The following UBE2K variants were observed in gnomAD, a reference collection of about 807,000 sequenced individuals.
The protein encoded by UBE2K is ubiquitin-conjugating enzyme E2 K.
Under a neutral mutation model 30.0 loss-of-function variants are expected in UBE2K, and 6 were observed. That is an observed-to-expected ratio of 0.20 (90% CI 0.11 to 0.39). The LOEUF is 0.39. Among genes scored for constraint, UBE2K ranks in the 10% least tolerant of loss-of-function variants. The pLI, the probability that UBE2K is intolerant of heterozygous loss-of-function variation, is 1.00. For missense variants in UBE2K, 61 were observed against 241.6 expected (o/e 0.25, Z 4.96); for synonymous variants, 86 against 83.7 (o/e 1.03, Z -0.15).
intron 1 of UBE2K, among the ~76,000 whole-genome samples, chr4:39,698,978 T>C (rs1177360263): frequency 3.9e-5 from 6 of 152,198 alleles, no homozygotes; most frequent in African/African-American, 1.4e-4. Flanking sequence ...TAGAATACTG[T>C]CTTATTTGGT....
chr4:39,751,828 G>T (rs1425499016), intron 3 of UBE2K, among the ~76,000 whole-genome samples: 1 of 152,058 alleles, frequency 6.6e-6, no homozygotes, highest in Non-Finnish European at 1.5e-5. Flanking sequence ...TTAGTCGGGT[G>T]TGGTGGCGCA....
chr4:39,710,097 A>C (rs1718586008), intron 1 of UBE2K: 1 of 152,018 alleles, frequency 6.6e-6, no homozygotes. Flanking sequence ...AAGGCTAGTC[A>C]AACGAAGCAG....
At chr4:39,709,080 C>T (rs1344678907) in intron 1 of UBE2K, among the ~76,000 whole-genome samples, 1 of 151,838 alleles carries the variant, frequency 6.6e-6, no homozygotes, top group Non-Finnish European at 1.5e-5. Flanking sequence ...CTTCTTAAAA[C>T]CTGAAGTACT....
At chr4:39,746,504 C>T (rs950387116) in intron 3 of UBE2K, among the ~76,000 whole-genome samples, 15 of 152,176 alleles carry the variant, frequency 9.9e-5, no homozygotes, top group African/African-American at 3.6e-4. Flanking sequence ...TCATTCTCTG[C>T]ACTGTTGGTC....
intron 4 of UBE2K, chr4:39,770,475 G>A (rs1455907677): frequency 1.9e-6 from 3 of 1,610,520 alleles, no homozygotes; most frequent in Admixed American, 1.7e-5. Context: ...GTTCTTTAAG[G>A]GGTTTCCACC....
At chr4:39,714,550 A>ATATATATATTTTTTTTTTTT in intron 1 of UBE2K, 3 of 17,854 alleles carry the variant, frequency 1.7e-4, no homozygotes, top group African/African-American at 7.4e-4. Context: ...ATATATATAT[A>ATATATATATTTTTTTTTTTT]TTTTTTTTTT....
At chr4:39,754,807 A>C (rs1015370982) in intron 3 of UBE2K, among the ~76,000 whole-genome samples, 1 of 152,194 alleles carries the variant, frequency 6.6e-6, no homozygotes, top group African/African-American at 2.4e-5. Context: ...ATTTTTGTGA[A>C]GTTCTTAGAA....
chr4:39,728,006 C>T (rs997980109), intron 1 of UBE2K, among the ~76,000 whole-genome samples: 4 of 151,954 alleles, frequency 2.6e-5, no homozygotes, highest in African/African-American at 4.8e-5. Flanking sequence ...TGGTGCTGTG[C>T]GCCTGTAGTC....
chr4:39,738,365 AC>A (rs1936494822), intron 2 of UBE2K, among the ~76,000 whole-genome samples: 1 of 152,194 alleles, frequency 6.6e-6, no homozygotes, highest in South Asian at 2.1e-4. Context: ...AAGAGAAGTA[AC>A]TTGTTTAAGG....
At chr4:39,755,318 T>C (rs1721471501) in intron 3 of UBE2K, among the ~76,000 whole-genome samples, 1 of 152,226 alleles carries the variant, frequency 6.6e-6, no homozygotes, top group Admixed American at 6.5e-5. Context: ...ATTTATGTTT[T>C]TATTTTATGT....
intron 4 of UBE2K, among the ~76,000 whole-genome samples, chr4:39,760,416 A>G (rs975341479): frequency 2.0e-5 from 3 of 152,180 alleles, no homozygotes; most frequent in African/African-American, 7.2e-5. Flanking sequence ...TGTCTCATCA[A>G]CAAGAAAATT....
In UBE2K at chr4:39,698,336, C is replaced by T; in HGVS notation, c.9C>T (p.Asn3=). Residue 3 remains asparagine (N), a synonymous_variant, in exon 1 of 7, where the codon AAC becomes AAT. Transcript: ENST00000261427. Reference sequence around the variant, plus strand: ...CAGCTGCGGGCGGAGACATGGCCAACATCGCGGTGCAGCGAATCAAGCGGG... The same window carrying T: ...CAGCTGCGGGCGGAGACATGGCCAATATCGCGGTGCAGCGAATCAAGCGGG... MA[N]IAVQRIKREF... is the part of the protein sequence containing the mutation. The T allele has an allele frequency of 6.2e-7, 1 of 1,612,816 alleles. No individual in the cohort carries two copies. The highest frequency in any genetic ancestry group is 1.7e-5 in the Admixed American group (1 of 59,768).
intron 1 of UBE2K, among the ~76,000 whole-genome samples, chr4:39,735,564 G>A (rs886602490): frequency 2.0e-5 from 3 of 152,078 alleles, no homozygotes; most frequent in Non-Finnish European, 4.4e-5. Flanking sequence ...TGTATTTTTA[G>A]TAGAGACAGG....
intron 4 of UBE2K, among the ~76,000 whole-genome samples, chr4:39,767,648 T>C (rs1278648759): frequency 6.6e-6 from 1 of 152,054 alleles, no homozygotes; most frequent in East Asian, 1.9e-4. Flanking sequence ...TCAAGAAAAG[T>C]GTTTATTGCC....
At chr4:39,733,339 T>A (rs1720183067) in intron 1 of UBE2K, among the ~76,000 whole-genome samples, 1 of 149,556 alleles carries the variant, frequency 6.7e-6, no homozygotes, top group African/African-American at 2.4e-5. Context: ...TTAATTTTTT[T>A]TTTTTTTTTT....
At chr4:39,718,063 G>C (rs1043871856) in intron 1 of UBE2K, among the ~76,000 whole-genome samples, 2 of 152,090 alleles carry the variant, frequency 1.3e-5, no homozygotes, top group Non-Finnish European at 2.9e-5. Flanking sequence ...AGTGTGGAAG[G>C]GGACCCGAGT....
intron 1 of UBE2K, among the ~76,000 whole-genome samples, chr4:39,721,119 G>A (rs570696134): frequency 5.6e-4 from 85 of 152,092 alleles, no homozygotes; most frequent in African/African-American, 1.9e-3. Context: ...CCAAAACTGC[G>A]TCATAACCTC....
chr4:39,776,193 C>T (rs1713274656), intron 5 of UBE2K, among the ~76,000 whole-genome samples: 1 of 152,276 alleles, frequency 6.6e-6, no homozygotes, highest in African/African-American at 2.4e-5. Flanking sequence ...TATGGTTAAC[C>T]ACCCAAGTCA....
At chr4:39,725,419 G>C (rs1442278346) in intron 1 of UBE2K, among the ~76,000 whole-genome samples, 1 of 146,116 alleles carries the variant, frequency 6.8e-6, no homozygotes, top group Non-Finnish European at 1.5e-5. Flanking sequence ...CCTCTTGATA[G>C]TAAGGTTTCA....
Sources: allele counts gnomAD v4.1 joint callset (sites outside exome capture counted in the v4.1 genomes callset), GRCh38; gene constraint gnomAD v4.1.1; transcripts MANE v1.5; gene names NCBI Gene and HGNC (gene_info 2026-07-23, HGNC 2026-07-21).